Variants in CLDN16 observed in about 807,000 individuals in gnomAD.
CLDN16 encodes claudin-16.
CLDN16 carries 13 observed loss-of-function variants against 24.6 expected under a neutral mutation model. The observed-to-expected ratio is 0.53, with a 90% CI of 0.34 to 0.84. The LOEUF is 0.84. Among genes scored for constraint, CLDN16 ranks in the 40% least tolerant of loss-of-function variants. The pLI is 0.01. For synonymous variants in CLDN16, 116 were observed against 106.7 expected (o/e 1.09, Z -0.54); for missense variants, 298 against 292.7 (o/e 1.02, Z -0.13).
chr3:190,375,977 A>T (rs1489494924), intron 3 of CLDN16, among the ~76,000 whole-genome samples: 1 of 151,888 alleles, frequency 6.6e-6, no homozygotes, highest in Non-Finnish European at 1.5e-5. Context: ...GAATAATTCC[A>T]GTAACCCCCT....
intron 1 of CLDN16, among the ~76,000 whole-genome samples, chr3:190,344,611 G>A (rs888207130): frequency 1.1e-4 from 16 of 151,374 alleles, no homozygotes; most frequent in Non-Finnish European, 4.4e-5. Context: ...ACTTTTAGTC[G>A]ACACTTTTAT....
upstream of CLDN16, among the ~76,000 whole-genome samples, chr3:190,319,646 C>T (rs115060056): frequency 0.012 from 1,843 of 152,294 alleles, 50 homozygotes; most frequent in African/African-American, 0.042. Context: ...CTGGGAAAGA[C>T]GGCAAGGTAC....
At chr3:190,336,065 G>A (rs765009959) in intron 1 of CLDN16, among the ~76,000 whole-genome samples, 90 of 152,084 alleles carry the variant, frequency 5.9e-4, no homozygotes, top group Admixed American at 1.4e-3. Context: ...ATTATGGAAC[G>A]TGGAATTTGG....
chr3:190,346,518 G>A (rs560514971), intron 1 of CLDN16, among the ~76,000 whole-genome samples: 32 of 152,268 alleles, frequency 2.1e-4, no homozygotes, highest in African/African-American at 5.3e-4. Flanking sequence ...AGCCAAAACT[G>A]TACATTCTTT....
intron 1 of CLDN16, among the ~76,000 whole-genome samples, chr3:190,363,556 GTATA>G (rs1221514630): frequency 1.4e-3 from 118 of 87,390 alleles, no homozygotes; most frequent in African/African-American, 4.6e-3. Context: ...GTGTGTGTGT[GTATA>G]TATATATATA....
chr3:190,346,308 T>C (rs781015555), intron 1 of CLDN16, among the ~76,000 whole-genome samples: 16 of 152,192 alleles, frequency 1.1e-4, no homozygotes, highest in Non-Finnish European at 1.5e-4. Flanking sequence ...TGTAGAGATG[T>C]GGGTGTGTGA....
At chr3:190,316,594 C>T in the CLDN16 span, among the ~76,000 whole-genome samples, 1 of 152,160 alleles carries the variant, frequency 6.6e-6, no homozygotes, top group South Asian at 2.1e-4. Context: ...CAGATGAATA[C>T]CTTCACATCA....
chr3:190,320,636 G>T (rs1384184595), upstream of CLDN16, among the ~76,000 whole-genome samples: 2 of 152,140 alleles, frequency 1.3e-5, no homozygotes, highest in Admixed American at 1.3e-4. Flanking sequence ...TTTGGAACAG[G>T]TTTAATAACT....
At chr3:190,339,473 A>G (rs1717381971) in intron 1 of CLDN16, among the ~76,000 whole-genome samples, 1 of 152,252 alleles carries the variant, frequency 6.6e-6, no homozygotes, top group Non-Finnish European at 1.5e-5. Context: ...TCAATCTGGC[A>G]GCAGTGTTGA....
At chr3:190,382,650 T>A (rs1292954191) in intron 3 of CLDN16, among the ~76,000 whole-genome samples, 1 of 152,156 alleles carries the variant, frequency 6.6e-6, no homozygotes, top group Non-Finnish European at 1.5e-5. Flanking sequence ...ATAATTCTGC[T>A]TCTCTGTGCT....
At chr3:190,312,942 C>T in the CLDN16 span, 8 of 1,614,226 alleles carry the variant, frequency 5.0e-6, no homozygotes, top group Non-Finnish European at 6.8e-6. Flanking sequence ...CTTCCAAGCA[C>T]TTCATACACT....
intron 1 of CLDN16, among the ~76,000 whole-genome samples, chr3:190,331,436 T>A (rs1292186641): frequency 6.6e-6 from 1 of 152,208 alleles, no homozygotes; most frequent in Non-Finnish European, 1.5e-5. Flanking sequence ...GAAAGTAGCA[T>A]TTAGTTATAA....
chr3:190,337,975 C>T (rs1717348085), intron 1 of CLDN16, among the ~76,000 whole-genome samples: 1 of 152,110 alleles, frequency 6.6e-6, no homozygotes, highest in South Asian at 2.1e-4. Context: ...AGCTGTAGTA[C>T]CATCTTGAAG....
At chr3:190,294,201 C>A in the CLDN16 span, among the ~76,000 whole-genome samples, 1 of 152,170 alleles carries the variant, frequency 6.6e-6, no homozygotes, top group Non-Finnish European at 1.5e-5. Flanking sequence ...TACTTCAAAT[C>A]TCAACCATGT....
intron 1 of CLDN16, among the ~76,000 whole-genome samples, chr3:190,337,092 G>A (rs1717328339): frequency 6.6e-6 from 1 of 152,194 alleles, no homozygotes; most frequent in South Asian, 2.1e-4. Context: ...ATCTCAGTAT[G>A]TTGGTGTGGA....
intron 1 of CLDN16, among the ~76,000 whole-genome samples, chr3:190,396,216 G>A (rs1163090394): frequency 2.0e-5 from 3 of 152,052 alleles, no homozygotes; most frequent in Non-Finnish European, 4.4e-5. Context: ...CATCTCTATG[G>A]TTTCCTAACA....
chr3:190,407,962 G>T (rs573089525), intron 3 of CLDN16, among the ~76,000 whole-genome samples: 50 of 152,198 alleles, frequency 3.3e-4, no homozygotes, highest in African/African-American at 1.2e-3. Context: ...TTTCTGTTTT[G>T]TTTGGTTTTG....
chr3:190,302,807 ACAAT>A, the CLDN16 span, among the ~76,000 whole-genome samples: 1 of 150,650 alleles, frequency 6.6e-6, no homozygotes, highest in Non-Finnish European at 1.5e-5. Context: ...TATGAATCAA[ACAAT>A]CAATCTATGT....
rs74622043 is a variant in CLDN16, at chr3:190,357,429, A to G, written n.122-13464A>G. On this transcript the variant is annotated intron_variant and non_coding_transcript_variant, in intron 1 of 4. Coordinates refer to the CLDN16 transcript ENST00000468220. ...TCTTTATTTTTGCCTGGATTAACAT[A>G]ACAACTCTTTAACTCTTCTTTCACC... 5.7e-3 allele frequency among the ~76,000 whole-genome samples: 871 copies of G among 151,984 alleles called. 2 individuals are homozygous for G. Among genetic ancestry groups the G allele is most frequent in the Non-Finnish European group, 9.1e-3 (620 of 67,888 alleles).
Sources: allele counts gnomAD v4.1 joint callset (sites outside exome capture counted in the v4.1 genomes callset), GRCh38; gene constraint gnomAD v4.1.1; transcripts MANE v1.5; gene names NCBI Gene and HGNC (gene_info 2026-07-23, HGNC 2026-07-21).